Variants in INSRR observed in about 807,000 individuals in gnomAD.
The protein encoded by INSRR is insulin receptor-related protein.
Under a neutral mutation model 130.0 loss-of-function variants are expected in INSRR, and 114 were observed. The observed-to-expected ratio is 0.88, with a 90% CI of 0.75 to 1.02. The LOEUF (loss-of-function observed/expected upper bound fraction) is 1.02. INSRR is among the 50% of genes least tolerant of loss of function. The pLI is 0.00. For missense variants in INSRR, 1,657 were observed against 1,735.2 expected, an observed-to-expected ratio of 0.95 and a Z score of 0.80; for synonymous variants, 674 against 705.2, an observed-to-expected ratio of 0.96 and a Z score of 0.70.
intron 5 of INSRR, among the ~76,000 whole-genome samples, chr1:156,850,043 C>G (rs1655147006): frequency 6.6e-6 from 1 of 152,074 alleles, no homozygotes; most frequent in African/African-American, 2.4e-5. Flanking sequence ...GCTGAGACTA[C>G]AGGCATGCAC....
chr1:156,846,495 C>T, intron 8 of INSRR, 24 bp downstream of exon 8: 1 of 1,587,194 alleles, frequency 6.3e-7, no homozygotes, highest in South Asian at 1.1e-5. Flanking sequence ...GTCTGACTGA[C>T]TCTTGCACCC....
intron 1 of INSRR, among the ~76,000 whole-genome samples, chr1:156,858,301 A>G (rs1655481425): frequency 6.6e-6 from 1 of 152,184 alleles, no homozygotes; most frequent in Non-Finnish European, 1.5e-5. Flanking sequence ...GGGACGGAAG[A>G]TATCTACTTG....
intron 1 of INSRR, among the ~76,000 whole-genome samples, chr1:156,855,464 C>T (rs969862908): frequency 3.9e-5 from 6 of 152,172 alleles, no homozygotes; most frequent in Non-Finnish European, 7.4e-5. Flanking sequence ...CTTGGCCTCC[C>T]AAAGTGCTGG....
rs974057880 is a variant in INSRR, at chr1:156,842,278, C to G, written c.3238-7G>C. On this transcript the variant is annotated splice_region_variant and splice_polypyrimidine_tract_variant and intron_variant, in intron 18 of 21. Transcript: ENST00000368195. ...GTGGGAGCCCAGGGTTGTTCTAGAGCCAAGATTGGGGGCTGGTGAGGAAGG... is the reference window on the plus strand; with the variant it reads ...GTGGGAGCCCAGGGTTGTTCTAGAGGCAAGATTGGGGGCTGGTGAGGAAGG... The G allele has an allele frequency of 3.7e-6, 6 of 1,613,742 alleles. No homozygotes were observed. The highest frequency in any genetic ancestry group is 1.3e-5 in the African/African-American group (1 of 74,880).
At chr1:156,845,533 A>AAAACCCCCCCCCCCC in intron 10 of INSRR, 86 bp downstream of exon 10, 4 of 728,006 alleles carry the variant, frequency 5.5e-6, no homozygotes, top group African/African-American at 2.1e-5. Context: ...GCAAGGCCCC[A>AAAACCCCCCCCCCCC]CCCACAAACC....
At position 156,853,767 on chromosome 1, in the gene INSRR, T is replaced by C; in HGVS notation, c.622A>G (p.Ser208Gly). The C allele has an allele frequency of 6.2e-7, 1 of 1,601,148 alleles. No individual in the cohort carries two copies. The highest frequency in any genetic ancestry group is 8.5e-7 in the Non-Finnish European group (1 of 1,169,936). Residue 208 changes from serine to glycine, a missense_variant, in exon 2 of 22, where the codon AGC becomes GGC. Ser to Gly is a moderately conservative substitution (Grantham distance 56, BLOSUM62 0). Coordinates refer to ENST00000368195, the MANE Select transcript of INSRR (RefSeq NM_014215.3). ...CAGTGCCCACCTCTCTGGCAGTGGC[T>C]GGAGGTCCAGCATCTGTAGTCAGTG... The part of the protein sequence containing the change: ...GHTDYRCWTS[S>G]HCQRVCPCPH...
chr1:156,850,380 T>C (rs1655159327), intron 5 of INSRR, among the ~76,000 whole-genome samples: 1 of 151,456 alleles, frequency 6.6e-6, no homozygotes, highest in South Asian at 2.1e-4. Context: ...CCTGGCTAAT[T>C]TTTGTATTTT....
rs1376344835 is a variant in INSRR, at chr1:156,845,798, G to A, written c.1995C>T (p.Thr665=). The A allele has an allele frequency of 6.2e-7, 1 of 1,612,418 alleles. No individual in the cohort carries two copies. Among genetic ancestry groups the A allele is most frequent in the East Asian group, 2.2e-5 (1 of 44,874 alleles). Residue 665 remains threonine (T), a synonymous_variant, in exon 10 of 22, where the codon ACC becomes ACT. Coordinates refer to ENST00000368195, the MANE Select transcript of INSRR (RefSeq NM_014215.3). The part of the protein sequence containing the change: ...DYCHRGLRLP[T]SNNDPRFDGE... The stretch of plus-strand genomic sequence containing the variant: ...CGTCGAAGCGCGGATCGTTGTTGCT[G>A]GTGGGCAGCCGCAAGCCTGGCGCCG...
chr1:156,846,442 C>G, intron 8 of INSRR, 77 bp downstream of exon 8: 1 of 1,221,692 alleles, frequency 8.2e-7, no homozygotes, highest in East Asian at 2.4e-5. Flanking sequence ...CCCGGCTTCT[C>G]TATTTCTGGT....
chr1:156,857,193 G>A (rs377004433), intron 1 of INSRR, among the ~76,000 whole-genome samples: 2 of 136,972 alleles, frequency 1.5e-5, no homozygotes, highest in African/African-American at 5.7e-5. Context: ...GTGTGTGTGT[G>A]TGTGTGTGTG....
chr1:156,850,184 G>A (rs1398697650), intron 5 of INSRR, among the ~76,000 whole-genome samples: 3 of 152,148 alleles, frequency 2.0e-5, no homozygotes, highest in Non-Finnish European at 4.4e-5. Context: ...TTACAGGCAC[G>A]AGCCACCGCA....
rs1654919682 is a variant in INSRR, at chr1:156,844,556, C to G, written c.2643G>C (p.Leu881=). The G allele has an allele frequency of 1.2e-6, 2 of 1,614,060 alleles. No individual in the cohort carries two copies. Among genetic ancestry groups the G allele is most frequent in the African/African-American group, 2.7e-5 (2 of 74,930 alleles). Residue 881 remains leucine, a synonymous_variant, in exon 14 of 22, where the codon CTG becomes CTC. Transcript: ENST00000368195. ...CCCTGGCAGAGTAGTTTCCAGGGGG[C>G]AGCAGGGCCAGGTGGACTCCCCCAA... ...AKFGGVHLAL[L]PPGNYSARVR... is the part of the protein sequence containing the mutation.
Position 156,841,211 on chromosome 1 carries a change from T to C in INSRR, c.3663-107A>G, listed in dbSNP as rs538433368. On this transcript the variant is annotated intron_variant, in intron 21 of 21. Coordinates refer to ENST00000368195, the MANE Select transcript of INSRR (RefSeq NM_014215.3). ...TGGGAGTGGGGATCGTGGGCCATTATGCCTGGGAGGGTGAGAAGGGATTAA... is the reference window on the plus strand; with the variant it reads ...TGGGAGTGGGGATCGTGGGCCATTACGCCTGGGAGGGTGAGAAGGGATTAA... The C allele has an allele frequency of 7.2e-5, 74 of 1,022,676 alleles. No homozygotes were observed. The African/African-American group carries it at 1.1e-3, about 15-fold the overall frequency. 63.4% of individuals were successfully genotyped at this position (1,022,676 alleles called of 1,614,324 possible).
At position 156,844,830 on chromosome 1, in the gene INSRR, A is replaced by T; in HGVS notation, c.2451T>A (p.Gly817=). The T allele has an allele frequency of 6.2e-7, 1 of 1,613,926 alleles. No homozygotes were observed. The highest frequency in any genetic ancestry group is 2.2e-5 in the East Asian group (1 of 44,852). ...CCTCCCAGGCCACCTTTCCTGGAAT[A>T]CCATCAGCCTCTCCTGCGGGAAGGG... is the stretch of plus-strand genomic sequence containing the variant. ...ARTMPHREAD[G]IPGKVAWEAS... Residue 817 remains glycine, a synonymous_variant, in exon 13 of 22, where the codon GGT becomes GGA. Transcript: ENST00000368195.
Position 156,857,901 on chromosome 1 carries a change from T to C in INSRR, c.85+636A>G, listed in dbSNP as rs560703433. ...TCCCCCAGCACCTCCATGAGGGTCA[T>C]TTAGTCTATATAGTCCCCCCACCCC... is the stretch of plus-strand genomic sequence containing the variant. On this transcript the variant is annotated intron_variant, in intron 1 of 21. Coordinates refer to ENST00000368195, the MANE Select transcript of INSRR (RefSeq NM_014215.3). Among the ~76,000 whole-genome samples the C allele has an allele frequency of 7.9e-5, 12 of 152,226 alleles. No homozygotes were observed. In the East Asian group the frequency reaches 1.7e-3, roughly 22 times the overall value.
At chr1:156,844,142 A>C in intron 15 of INSRR, 33 bp downstream of exon 15, 1 of 1,502,420 alleles carries the variant, frequency 6.7e-7, no homozygotes, top group Non-Finnish European at 9.2e-7. Context: ...TCAGGGAGAA[A>C]AGGGGGTGGG....
At chr1:156,846,258 C>T (rs1394159140) in intron 8 of INSRR, 139 bp from the exon 9 acceptor site, 1 of 962,974 alleles carries the variant, frequency 1.0e-6, no homozygotes, top group African/African-American at 1.6e-5. Context: ...CTTCCTAGAA[C>T]TCAGTGTTTT....
chr1:156,844,260 G>GC lies in INSRR; in HGVS notation c.2757dup (p.Leu920AlafsTer46). 2 of 1,613,546 alleles carry GC rather than the reference G, an allele frequency of 1.2e-6. No individual in the cohort carries two copies. The highest frequency in any genetic ancestry group is 1.7e-6 in the Non-Finnish European group (2 of 1,179,710). On this transcript the variant is annotated frameshift_variant, in exon 15 of 22. Transcript: ENST00000368195. LOFTEE classifies it high-confidence loss of function. ...GGGGTGGCAGTGAGGAGGACATGCA[G>GC]CCCCCCAGCATCCTCCTCCTCTGGC... is the stretch of plus-strand genomic sequence containing the variant.
rs1195751700 is a variant in INSRR at position 156,852,076 on chromosome 1, G to A, written c.753C>T (p.His251=). The A allele has an allele frequency of 6.2e-7, 1 of 1,613,576 alleles. No individual in the cohort carries two copies. Among genetic ancestry groups the A allele is most frequent in the Non-Finnish European group, 8.5e-7 (1 of 1,179,988 alleles). The part of the protein sequence containing the change: ...EDPRACVACR[H]LYFQGACLWA... ...ACAGGCAGGCACCCTGGAAGTAGAG[G>A]TGGCGGCAAGCTACACAGGCACGAG... The change falls in exon 3 of 22, where the codon CAC becomes CAT. Residue 251 remains histidine (H), a synonymous_variant. Coordinates refer to ENST00000368195, the MANE Select transcript of INSRR (RefSeq NM_014215.3).
Sources: gnomAD v4.1 joint callset for allele counts (sites outside exome capture counted in the v4.1 genomes callset) on GRCh38, gnomAD v4.1.1 for gene constraint, MANE v1.5 for transcripts, NCBI Gene and HGNC (gene_info 2026-07-23, HGNC 2026-07-21) for gene names.